MALRD1: variants seen among roughly 807,000 people sequenced by gnomAD.
The protein encoded by MALRD1 is MAM and LDL receptor class A domain containing 1, also known as MAM and LDL-receptor class A domain-containing protein 1.
A neutral mutation model predicts 242.1 loss-of-function variants in MALRD1; 247 were observed. The ratio of observed to expected loss-of-function variants is 1.02; its 90% CI spans 0.92 to 1.13. The LOEUF (loss-of-function observed/expected upper bound fraction) is 1.13. MALRD1 is among the 50% of genes most tolerant of loss of function. The pLI is 0.00. For synonymous variants in MALRD1, 995 were observed against 866.6 expected, an observed-to-expected ratio of 1.15 and a Z score of -2.60; for missense variants, 2,989 against 2,533.1, an observed-to-expected ratio of 1.18 and a Z score of -3.86.
At chr10:19,420,389 C>T (rs1203144514) in intron 28 of MALRD1, among the ~76,000 whole-genome samples, 10 of 152,064 alleles carry the variant, frequency 6.6e-5, no homozygotes, top group Admixed American at 6.6e-4. Context: ...ATTGAACATA[C>T]TGACATATTG....
chr10:19,256,158 T>C (rs1839502569), intron 18 of MALRD1, among the ~76,000 whole-genome samples: 1 of 152,064 alleles, frequency 6.6e-6, no homozygotes. Flanking sequence ...GTCAATAGTA[T>C]TTATTTTTAT....
chr10:19,540,113 C>T (rs1014921313), intron 32 of MALRD1, among the ~76,000 whole-genome samples: 3 of 151,836 alleles, frequency 2.0e-5, no homozygotes, highest in Non-Finnish European at 2.9e-5. Context: ...CACTGAGGGC[C>T]CTTCTGGTCG....
intron 29 of MALRD1, among the ~76,000 whole-genome samples, chr10:19,457,833 G>A (rs1835737952): frequency 1.3e-5 from 2 of 151,346 alleles, no homozygotes; most frequent in South Asian, 4.2e-4. Context: ...AATAGTACTA[G>A]TTTAAGTATT....
intron 2 of MALRD1, among the ~76,000 whole-genome samples, chr10:19,068,968 G>A (rs1835060928): frequency 6.6e-6 from 1 of 152,042 alleles, no homozygotes; most frequent in African/African-American, 2.4e-5. Context: ...TTAAAAGAAT[G>A]TAACATTGCA....
chr10:19,718,912 A>AGGCATCCC (rs991828221), intron 38 of MALRD1, among the ~76,000 whole-genome samples: 1 of 151,576 alleles, frequency 6.6e-6, no homozygotes, highest in African/African-American at 2.4e-5. Flanking sequence ...CATGCCTTTA[A>AGGCATCCC]TCCCAGTGCT....
At chr10:19,283,757 T>A (rs1588848055) in intron 21 of MALRD1, among the ~76,000 whole-genome samples, 1 of 152,208 alleles carries the variant, frequency 6.6e-6, no homozygotes, top group Admixed American at 6.5e-5. Flanking sequence ...TTTCAACAAT[T>A]TACTAATCTG....
intron 32 of MALRD1, among the ~76,000 whole-genome samples, chr10:19,532,237 A>G (rs1393632256): frequency 1.3e-5 from 2 of 152,152 alleles, no homozygotes; most frequent in Non-Finnish European, 2.9e-5. Flanking sequence ...TATGATTTCA[A>G]AAATCTGATA....
chr10:19,651,264 A>G (rs181578476), intron 36 of MALRD1, among the ~76,000 whole-genome samples: 3 of 152,174 alleles, frequency 2.0e-5, no homozygotes, highest in Non-Finnish European at 4.4e-5. Context: ...TTGGGACTGG[A>G]GCATCCTTGA....
chr10:19,512,476 C>T (rs1467872013), intron 31 of MALRD1, among the ~76,000 whole-genome samples: 2 of 152,164 alleles, frequency 1.3e-5, no homozygotes, highest in Admixed American at 6.6e-5. Flanking sequence ...TCTTATTTAA[C>T]TGTTTGATGA....
chr10:19,671,235 TG>T (rs1448193385), intron 36 of MALRD1, among the ~76,000 whole-genome samples: 1 of 152,146 alleles, frequency 6.6e-6, no homozygotes, highest in Non-Finnish European at 1.5e-5. Context: ...AGTATAAATA[TG>T]GAATGTAAAT....
intron 36 of MALRD1, among the ~76,000 whole-genome samples, chr10:19,655,683 T>C (rs1309644232): frequency 6.6e-6 from 1 of 151,712 alleles, no homozygotes; most frequent in Non-Finnish European, 1.5e-5. Flanking sequence ...ACCACTAGGA[T>C]AAAGATTTTC....
intron 18 of MALRD1, among the ~76,000 whole-genome samples, chr10:19,257,282 GT>G (rs1276100905): frequency 5.3e-5 from 8 of 152,050 alleles, no homozygotes; most frequent in African/African-American, 1.9e-4. Flanking sequence ...GGATGAGGAG[GT>G]TTAATTTGGG....
chr10:19,195,849 G>A (rs529070359), intron 14 of MALRD1, among the ~76,000 whole-genome samples: 13 of 151,950 alleles, frequency 8.6e-5, no homozygotes, highest in South Asian at 2.1e-4. Context: ...TACCCAGCAA[G>A]CACATGCAAT....
At chr10:19,261,438 G>C (rs1293641093) in intron 19 of MALRD1, among the ~76,000 whole-genome samples, 1 of 139,250 alleles carries the variant, frequency 7.2e-6, no homozygotes, top group African/African-American at 2.8e-5. Context: ...TAAAAATTGA[G>C]CTCTACGTAA....
intron 33 of MALRD1, among the ~76,000 whole-genome samples, chr10:19,590,806 C>T (rs1837739093): frequency 6.6e-6 from 1 of 152,048 alleles, no homozygotes; most frequent in Non-Finnish European, 1.5e-5. Flanking sequence ...CTCCCTGCCC[C>T]CACCCTCATA....
At chr10:19,406,857 C>A (rs72784330) in intron 28 of MALRD1, among the ~76,000 whole-genome samples, 20,332 of 152,122 alleles carry the variant, frequency 0.13, 1,459 homozygotes, top group East Asian at 0.24. Flanking sequence ...AAATACAACA[C>A]CCTCACTTGT....
intron 21 of MALRD1, among the ~76,000 whole-genome samples, chr10:19,322,007 A>G (rs1842931384): frequency 6.6e-6 from 1 of 152,178 alleles, no homozygotes; most frequent in South Asian, 2.1e-4. Context: ...TTAAAATTGG[A>G]GAGGCATGGA....
rs772777534 is a variant in MALRD1 at position 19,664,581 on chromosome 10, C to T, written c.6138-27701C>T. The stretch of plus-strand genomic sequence containing the variant: ...TTAAGTTAAAGGCTTCACAGAATAA[C>T]ATCTTTCTTTAAATAAATGGAGCCC... On this transcript the variant is annotated intron_variant, in intron 36 of 39. Coordinates refer to ENST00000454679, the MANE Select transcript of MALRD1 (RefSeq NM_001142308.3). 2.9e-4 allele frequency among the ~76,000 whole-genome samples: 44 copies of T among 151,920 alleles called. 1 individual carries two copies. The highest frequency in any genetic ancestry group is 2.5e-3 in the Admixed American group (38 of 15,236).
At chr10:19,159,563 C>T (rs571205368) in intron 12 of MALRD1, among the ~76,000 whole-genome samples, 13 of 151,052 alleles carry the variant, frequency 8.6e-5, no homozygotes, top group African/African-American at 2.4e-4. Flanking sequence ...GGAATTAGAA[C>T]GAAGTCCACA....
Sources: gnomAD v4.1 joint callset for allele counts (sites outside exome capture counted in the v4.1 genomes callset) on GRCh38, gnomAD v4.1.1 for gene constraint, MANE v1.5 for transcripts, NCBI Gene and HGNC (gene_info 2026-07-23, HGNC 2026-07-21) for gene names.